The following EXOC6B variants were observed in gnomAD, a reference collection of about 807,000 sequenced individuals.
The protein encoded by EXOC6B is SEC15 homolog B.
EXOC6B carries 54 observed loss-of-function variants against 113.5 expected under a neutral mutation model. That is an observed-to-expected ratio of 0.48 (90% CI 0.38 to 0.60). The LOEUF (loss-of-function observed/expected upper bound fraction) is 0.60, where lower values mean the gene tolerates loss of function less well. Among genes scored for constraint, EXOC6B ranks in the 20% least tolerant of loss-of-function variants. The pLI is 0.00. For missense variants in EXOC6B, 797 were observed against 977.5 expected, an observed-to-expected ratio of 0.82 and a Z score of 2.46; for synonymous variants, 357 against 339.0, an observed-to-expected ratio of 1.05 and a Z score of -0.58.
At chr2:72,522,228 C>T (rs1701529064) in intron 8 of EXOC6B, among the ~76,000 whole-genome samples, 1 of 152,124 alleles carries the variant, frequency 6.6e-6, no homozygotes, top group South Asian at 2.1e-4. Flanking sequence ...AATTCACTGG[C>T]TACTTGATTT....
intron 20 of EXOC6B, among the ~76,000 whole-genome samples, chr2:72,294,247 G>A (rs1685985408): frequency 6.6e-6 from 1 of 151,854 alleles, no homozygotes; most frequent in Non-Finnish European, 1.5e-5. Context: ...TGTATGGGGA[G>A]GCCTAAGAAT....
chr2:72,681,604 T>G (rs1399799649), intron 6 of EXOC6B, among the ~76,000 whole-genome samples: 1 of 152,140 alleles, frequency 6.6e-6, no homozygotes, highest in Non-Finnish European at 1.5e-5. Context: ...CATAGGATAA[T>G]CTATTGGGTA....
chr2:72,315,364 G>A (rs1433267394), intron 20 of EXOC6B, among the ~76,000 whole-genome samples: 1 of 150,254 alleles, frequency 6.7e-6, no homozygotes, highest in South Asian at 2.1e-4. Context: ...TGTGTGTGAA[G>A]GTTCTATAGG....
intron 6 of EXOC6B, among the ~76,000 whole-genome samples, chr2:72,642,870 C>T (rs1429624564): frequency 6.7e-6 from 1 of 149,940 alleles, no homozygotes; most frequent in Non-Finnish European, 1.5e-5. Flanking sequence ...ACTCATCTGA[C>T]AAAGGGCTAA....
chr2:72,403,681 G>A (rs1693503510), intron 18 of EXOC6B, among the ~76,000 whole-genome samples: 1 of 152,110 alleles, frequency 6.6e-6, no homozygotes, highest in African/African-American at 2.4e-5. Flanking sequence ...AGTCCAGCCT[G>A]GGCAAAAGAG....
chr2:72,666,488 C>T (rs964792260), intron 6 of EXOC6B, among the ~76,000 whole-genome samples: 6 of 151,866 alleles, frequency 4.0e-5, no homozygotes, highest in African/African-American at 1.4e-4. Context: ...TGCCCACTCT[C>T]ACCATTCCTA....
chr2:72,428,079 T>A (rs1053806730), intron 18 of EXOC6B, among the ~76,000 whole-genome samples: 7 of 152,130 alleles, frequency 4.6e-5, no homozygotes, highest in Non-Finnish European at 1.0e-4. Context: ...ACCCCGTAGA[T>A]CTCCTCTGAG....
chr2:72,684,813 A>G (rs538328234), intron 6 of EXOC6B, among the ~76,000 whole-genome samples: 2 of 152,286 alleles, frequency 1.3e-5, no homozygotes, highest in Admixed American at 1.3e-4. Flanking sequence ...TGGGGAGGCA[A>G]GGGGAGAGGA....
chr2:72,516,245 T>G (rs528610266), intron 8 of EXOC6B, among the ~76,000 whole-genome samples: 1 of 152,174 alleles, frequency 6.6e-6, no homozygotes, highest in South Asian at 2.1e-4. Flanking sequence ...CTTCTACTTT[T>G]ATTTTTACTT....
chr2:72,567,563 A>G (rs1317125609), intron 7 of EXOC6B, among the ~76,000 whole-genome samples: 1 of 152,038 alleles, frequency 6.6e-6, no homozygotes, highest in Non-Finnish European at 1.5e-5. Context: ...TCTGTCCACA[A>G]AAGGGGTATA....
At chr2:72,816,154 G>A (rs1686233397) in intron 1 of EXOC6B, among the ~76,000 whole-genome samples, 1 of 152,088 alleles carries the variant, frequency 6.6e-6, no homozygotes, top group African/African-American at 2.4e-5. Context: ...GCAAGACTCC[G>A]TCTCAAAAAC....
At chr2:72,289,155 C>CA (rs376364816) in intron 20 of EXOC6B, 2,461 of 180,030 alleles carry the variant, frequency 0.014, 10 homozygotes, top group South Asian at 0.026. Context: ...GCTCATGGGC[C>CA]AAAAAAAAAA....
intron 10 of EXOC6B, among the ~76,000 whole-genome samples, chr2:72,513,596 T>C (rs1349004542): frequency 6.6e-6 from 1 of 151,908 alleles, no homozygotes; most frequent in African/African-American, 2.4e-5. Context: ...CAGCCATCAA[T>C]GCATTTCAAA....
In EXOC6B at chr2:72,369,308, T is replaced by C. The variant is rs184406746; in HGVS notation, c.2122+10421A>G. On this transcript the variant is annotated intron_variant, in intron 19 of 21. Transcript: ENST00000272427. The stretch of plus-strand genomic sequence containing the variant: ...ACCTAGGAATCCAACTTACAAGGGA[T>C]GTGAAGGACCTCTTCAAGGAGAACT... Among the ~76,000 whole-genome samples, 573 of 152,268 alleles carry C rather than the reference T, an allele frequency of 3.8e-3. 7 individuals carry two copies. Among genetic ancestry groups the C allele is most frequent in the African/African-American group, 0.013 (552 of 41,554 alleles).
At chr2:72,432,669 A>G (rs1202008244) in intron 18 of EXOC6B, among the ~76,000 whole-genome samples, 1 of 152,092 alleles carries the variant, frequency 6.6e-6, no homozygotes, top group Non-Finnish European at 1.5e-5. Context: ...CATTTCTCTG[A>G]TGACCAGTGA....
At chr2:72,631,453 TATATATATAG>T (rs1672437388) in intron 6 of EXOC6B, among the ~76,000 whole-genome samples, 8 of 33,964 alleles carry the variant, frequency 2.4e-4, no homozygotes, top group Admixed American at 3.8e-4. Context: ...TATATATATA[TATATATATAG>T]AGAGAGAGAG....
intron 18 of EXOC6B, among the ~76,000 whole-genome samples, chr2:72,388,451 G>A (rs1484006614): frequency 6.6e-6 from 1 of 152,026 alleles, no homozygotes; most frequent in African/African-American, 2.4e-5. Context: ...ACTGACGCAT[G>A]TTTTATAGCC....
chr2:72,357,189 C>T (rs1448602406), intron 19 of EXOC6B, among the ~76,000 whole-genome samples: 1 of 152,158 alleles, frequency 6.6e-6, no homozygotes, highest in Non-Finnish European at 1.5e-5. Flanking sequence ...GAGAGACAGA[C>T]ACCATATTTA....
intron 1 of EXOC6B, among the ~76,000 whole-genome samples, chr2:72,750,640 G>C (rs1000480091): frequency 6.6e-6 from 1 of 152,120 alleles, no homozygotes; most frequent in African/African-American, 2.4e-5. Flanking sequence ...GGTGAGGGAA[G>C]GAGAAAACTC....
Sources: allele counts gnomAD v4.1 joint callset (sites outside exome capture counted in the v4.1 genomes callset), GRCh38; gene constraint gnomAD v4.1.1; transcripts MANE v1.5; gene names NCBI Gene and HGNC (gene_info 2026-07-23, HGNC 2026-07-21).